The following CCNJL variants were observed in gnomAD, a reference collection of about 807,000 sequenced individuals.
The protein encoded by CCNJL is cyclin J like.
A neutral mutation model predicts 33.4 loss-of-function variants in CCNJL; 33 were observed. That is an observed-to-expected ratio of 0.99 (90% CI 0.75 to 1.32). CCNJL has a LOEUF of 1.32. Ranked by LOEUF, CCNJL falls within the 40% of genes most tolerant of loss-of-function variation. The pLI, the probability that CCNJL is intolerant of heterozygous loss-of-function variation, is 0.00. For missense variants in CCNJL, 512 were observed against 499.7 expected (o/e 1.02, Z -0.23); for synonymous variants, 227 against 220.9 (o/e 1.03, Z -0.24).
chr5:160,263,155 G>C (rs1218601176), intron 3 of CCNJL, among the ~76,000 whole-genome samples: 2 of 152,184 alleles, frequency 1.3e-5, no homozygotes, highest in Non-Finnish European at 2.9e-5. Flanking sequence ...CTCTGTCTAG[G>C]TGTATTCTGT....
rs1195322452 is a variant in CCNJL, at chr5:160,250,331, A to G, written c.*3047T>C. 1 of 152,260 alleles carries G rather than the reference A, an allele frequency of 6.6e-6. No homozygotes were observed. The highest frequency in any genetic ancestry group is 1.5e-5 in the Non-Finnish European group (1 of 68,076). The allele number at this position is 152,260 out of a possible 1,614,324, so 9.4% of individuals were successfully genotyped here. A position where few individuals can be genotyped will look rare whatever the true frequency, so the allele number is the denominator to read the frequency against. ...AGACTTGCCTTGTCTCTGAATCCCC[A>G]AAACTTAGAGCTTCCTGCCTCACCT... is the stretch of plus-strand genomic sequence containing the variant. On this transcript the variant is annotated 3_prime_UTR_variant, in exon 6 of 6. Coordinates refer to ENST00000257536, the MANE Select transcript of CCNJL (RefSeq NM_001308173.3).
chr5:160,278,881 C>T lies in CCNJL; in HGVS notation c.280+1644G>A, dbSNP rs551312630. ...ACAGCCGGAGATGTTTCACAAGCCC[C>T]GCAGACGAAAGGGGGCTGCACGTTG... On this transcript the variant is annotated intron_variant, in intron 3 of 5. Coordinates refer to ENST00000257536, the MANE Select transcript of CCNJL (RefSeq NM_001308173.3). Among the ~76,000 whole-genome samples, 117 of 152,308 alleles carry T rather than the reference C, an allele frequency of 7.7e-4. 1 individual carries two copies. Among genetic ancestry groups the T allele is most frequent in the African/African-American group, 2.5e-3 (105 of 41,570 alleles).
intron 3 of CCNJL, among the ~76,000 whole-genome samples, chr5:160,270,198 C>T (rs570564304): frequency 3.5e-4 from 53 of 152,084 alleles, no homozygotes; most frequent in African/African-American, 1.2e-3. Flanking sequence ...AATCCCAGCA[C>T]TTTGGGAGGC....
chr5:160,261,754 C>T (rs114492500), intron 3 of CCNJL, among the ~76,000 whole-genome samples: 1,963 of 152,266 alleles, frequency 0.013, 33 homozygotes, highest in African/African-American at 0.045. Flanking sequence ...TAGAGACCTC[C>T]AGATATTAAA....
At chr5:160,300,543 CT>C (rs1205366055) in intron 2 of CCNJL, among the ~76,000 whole-genome samples, 1 of 152,050 alleles carries the variant, frequency 6.6e-6, no homozygotes, top group Non-Finnish European at 1.5e-5. Flanking sequence ...TTTTGTGATT[CT>C]TTTTTTAGCT....
chr5:160,258,442 A>G, intron 4 of CCNJL: 1 of 1,018,452 alleles, frequency 9.8e-7, no homozygotes, highest in Non-Finnish European at 1.6e-6. Context: ...GTTTCACATG[A>G]AGAGGGCACT....
At chr5:160,277,750 T>TG (rs1762066148) in intron 3 of CCNJL, among the ~76,000 whole-genome samples, 1 of 150,734 alleles carries the variant, frequency 6.6e-6, no homozygotes, top group Non-Finnish European at 1.5e-5. Context: ...ATCTGTTTTT[T>TG]TTTTTTTTTT....
intron 2 of CCNJL, among the ~76,000 whole-genome samples, chr5:160,311,465 C>A (rs1438481739): frequency 6.6e-6 from 1 of 152,064 alleles, no homozygotes; most frequent in Non-Finnish European, 1.5e-5. Flanking sequence ...AAATCGCAAA[C>A]GCAGAGCTTG....
intron 2 of CCNJL, among the ~76,000 whole-genome samples, chr5:160,294,133 G>A (rs958538597): frequency 4.6e-5 from 7 of 152,184 alleles, no homozygotes; most frequent in African/African-American, 1.7e-4. Context: ...AAGAAAGGGG[G>A]AGAAAGGCTG....
At chr5:160,302,022 G>A (rs1353767821) in intron 2 of CCNJL, among the ~76,000 whole-genome samples, 1 of 152,144 alleles carries the variant, frequency 6.6e-6, no homozygotes, top group Admixed American at 6.5e-5. Flanking sequence ...GAGCCACCGT[G>A]CCTGGCCTTA....
At chr5:160,275,354 G>T (rs1038851403) in intron 3 of CCNJL, among the ~76,000 whole-genome samples, 2 of 152,114 alleles carry the variant, frequency 1.3e-5, no homozygotes, top group Non-Finnish European at 2.9e-5. Context: ...CTAAAGTGCT[G>T]GGGTAACAGG....
intron 2 of CCNJL, among the ~76,000 whole-genome samples, chr5:160,289,603 G>GT (rs1254825551): frequency 6.6e-6 from 1 of 152,000 alleles, no homozygotes; most frequent in Non-Finnish European, 1.5e-5. Context: ...CTGCCCAAGA[G>GT]TTTTGCCTGG....
chr5:160,263,431 A>AGT (rs1219087268), intron 3 of CCNJL, among the ~76,000 whole-genome samples: 2 of 152,192 alleles, frequency 1.3e-5, no homozygotes. Context: ...CATGGAGTCT[A>AGT]TTACCGCTGA....
intron 3 of CCNJL, among the ~76,000 whole-genome samples, chr5:160,264,640 A>G (rs1053042020): frequency 6.6e-6 from 1 of 152,038 alleles, no homozygotes; most frequent in Admixed American, 6.6e-5. Context: ...GACACTCACA[A>G]TGACGGGCAG....
rs201558292 is a variant in CCNJL at position 160,253,750 on chromosome 5, G to T, written c.792C>A (p.Ala264=). The T allele has an allele frequency of 5.2e-6, 8 of 1,547,966 alleles. No individual in the cohort carries two copies. In the African/African-American group the frequency reaches 9.5e-5, roughly 18 times the overall value. The change falls in exon 6 of 6, where the codon GCC becomes GCA. Residue 264 remains alanine (A), a synonymous_variant. Transcript: ENST00000257536. ...LKDAVAVKSQ[A]LAMVPGTPPT... is the part of the protein sequence containing the mutation. Reference sequence around the variant, plus strand: ...GGGGTGTGCCGGGCACCATTGCCAAGGCCTGGCTCTTGACGGCTACGGCAT... The same window carrying T: ...GGGGTGTGCCGGGCACCATTGCCAATGCCTGGCTCTTGACGGCTACGGCAT...
chr5:160,265,858 G>GAAA (rs200091163), intron 3 of CCNJL, among the ~76,000 whole-genome samples: 1 of 97,166 alleles, frequency 1.0e-5, no homozygotes, highest in Non-Finnish European at 2.3e-5. Context: ...GTCTCCAGGG[G>GAAA]AAAAAAAAAA....
intron 3 of CCNJL, among the ~76,000 whole-genome samples, chr5:160,265,672 C>A (rs745651821): frequency 2.0e-5 from 3 of 150,808 alleles, no homozygotes; most frequent in Admixed American, 6.6e-5. Context: ...GCCTGGCCAA[C>A]ATGGTGAAAC....
intron 3 of CCNJL, among the ~76,000 whole-genome samples, chr5:160,268,014 A>G (rs1411849454): frequency 1.3e-5 from 2 of 152,222 alleles, no homozygotes; most frequent in Non-Finnish European, 2.9e-5. Flanking sequence ...GCTCTCTAAC[A>G]GGAAACTTTT....
rs914509059 is a variant in CCNJL, at chr5:160,252,724, G to C, written c.*654C>G. 4 of 152,680 alleles carry C rather than the reference G, an allele frequency of 2.6e-5. No homozygotes were observed. Among genetic ancestry groups the C allele is most frequent in the African/African-American group, 9.6e-5 (4 of 41,460 alleles). The allele number at this position is 152,680 out of a possible 1,614,324, so 9.5% of individuals were successfully genotyped here. A position where few individuals can be genotyped will look rare whatever the true frequency, so the allele number is the denominator to read the frequency against. On this transcript the variant is annotated 3_prime_UTR_variant, in exon 6 of 6. Coordinates refer to ENST00000257536, the MANE Select transcript of CCNJL (RefSeq NM_001308173.3). Reference sequence around the variant, plus strand: ...CAAGTATCACCAAATCCCTGATACAGTGTGTAAACAAGACATCTTACGAAA... The same window carrying C: ...CAAGTATCACCAAATCCCTGATACACTGTGTAAACAAGACATCTTACGAAA...
Sources: gnomAD v4.1 joint callset for allele counts (sites outside exome capture counted in the v4.1 genomes callset) on GRCh38, gnomAD v4.1.1 for gene constraint, MANE v1.5 for transcripts, NCBI Gene and HGNC (gene_info 2026-07-23, HGNC 2026-07-21) for gene names.